The following EP400 variants were observed in gnomAD, a reference collection of about 807,000 sequenced individuals.
EP400 encodes the protein E1A-binding protein p400.
A neutral mutation model predicts 354.1 loss-of-function variants in EP400; 105 were observed. The ratio of observed to expected loss-of-function variants is 0.30; its 90% CI spans 0.25 to 0.35. The LOEUF (loss-of-function observed/expected upper bound fraction) is 0.35. Ranked by LOEUF, EP400 falls within the 10% of genes least tolerant of loss-of-function variation. The pLI is 1.00. For missense variants in EP400, 3,280 were observed against 4,121.0 expected, an observed-to-expected ratio of 0.80 and a Z score of 5.59; for synonymous variants, 1,646 against 1,716.9, an observed-to-expected ratio of 0.96 and a Z score of 1.02.
chr12:132,008,518 A>G (rs555782740), intron 15 of EP400, among the ~76,000 whole-genome samples: 1 of 152,260 alleles, frequency 6.6e-6, no homozygotes, highest in African/African-American at 2.4e-5. Context: ...TTGCCTTGCT[A>G]CTTTATTATT....
At chr12:132,044,601 T>G (rs1895021820) in intron 35 of EP400, 70 bp from the exon 36 acceptor site, 9 of 1,568,732 alleles carry the variant, frequency 5.7e-6, no homozygotes, top group Non-Finnish European at 8.8e-7. Context: ...AGTATGAAGG[T>G]ACATGATTTG....
In EP400 at chr12:132,027,555, C is replaced by T. The variant is rs1034715830; in HGVS notation, c.5109+24C>T. On this transcript the variant is annotated intron_variant, in intron 26 of 52. Coordinates refer to ENST00000389561, the MANE Select transcript of EP400 (RefSeq NM_015409.5). The surrounding 1 kb of genome is among the most constrained non-coding windows in gnomAD (Gnocchi z 4.9). ...AGGTAAGCACCTGAGCTTGAGACCC[C>T]GGTGCACGTGGACAGGTAGCTTTCC... 24 of 1,582,548 alleles carry T rather than the reference C, an allele frequency of 1.5e-5. No homozygotes were observed. Among genetic ancestry groups the T allele is most frequent in the Admixed American group, 8.8e-5 (5 of 57,096 alleles).
At chr12:131,973,591 CAAG>C (rs1352471801) in intron 2 of EP400, among the ~76,000 whole-genome samples, 1 of 152,030 alleles carries the variant, frequency 6.6e-6, no homozygotes, top group Non-Finnish European at 1.5e-5. Flanking sequence ...TACAGTGAGC[CAAG>C]ATTGTGCCGC....
Position 131,987,902 on chromosome 12 carries a change from T to A in EP400, c.2409+12T>A. On this transcript the variant is annotated intron_variant, in intron 7 of 52. Coordinates refer to ENST00000389561, the MANE Select transcript of EP400 (RefSeq NM_015409.5). The stretch of plus-strand genomic sequence containing the variant: ...CTGCTGCGAAGAAGGTGGGTTGGAA[T>A]GCGTGGAGCTGCTGTGCTGTGTGCG... 1 of 1,594,760 alleles carries A rather than the reference T, an allele frequency of 6.3e-7. No individual in the cohort carries two copies. Among genetic ancestry groups the A allele is most frequent in the Non-Finnish European group, 8.5e-7 (1 of 1,169,722 alleles).
rs544986144 is a variant in EP400, at chr12:132,073,423, C to T, written c.9022-3093C>T. Among the ~76,000 whole-genome samples, 390 of 144,402 alleles carry T rather than the reference C, an allele frequency of 2.7e-3. 1 individual carries two copies. Among genetic ancestry groups the T allele is most frequent in the Non-Finnish European group, 4.5e-3 (301 of 67,250 alleles). 94.7% of individuals were successfully genotyped at this position (144,402 alleles called of 152,430 possible). A position where few individuals can be genotyped will look rare whatever the true frequency, so the allele number is the denominator to read the frequency against. ...TAGCTCAGTTTATTCATCTCAAATGCTGCTGTTAGTGTGCGTTTTAATTCT... is the reference window on the plus strand; with the variant it reads ...TAGCTCAGTTTATTCATCTCAAATGTTGCTGTTAGTGTGCGTTTTAATTCT... On this transcript the variant is annotated intron_variant, in intron 51 of 52. Coordinates refer to ENST00000389561, the MANE Select transcript of EP400 (RefSeq NM_015409.5).
chr12:132,016,807 T>G (rs1893953385), intron 19 of EP400, among the ~76,000 whole-genome samples: 1 of 152,176 alleles, frequency 6.6e-6, no homozygotes, highest in Admixed American at 6.5e-5. Context: ...CTCCCTGGTG[T>G]TCCTGTTTTA....
intron 1 of EP400, among the ~76,000 whole-genome samples, chr12:131,957,843 A>G (rs1441615554): frequency 6.6e-6 from 1 of 152,116 alleles, no homozygotes; most frequent in Non-Finnish European, 1.5e-5. Context: ...TGATCCGCCT[A>G]TCTTGGCCTC....
Position 132,028,123 on chromosome 12 carries a change from G to T in EP400, c.5216G>T (p.Cys1739Phe). Residue 1739 changes from cysteine (C) to phenylalanine (F), a missense_variant, in exon 27 of 53, where the codon TGT (cysteine) becomes TTT (phenylalanine). By Grantham distance (205) the Cys-to-Phe change is radical. This residue lies in a region of EP400 where 459 missense variants were observed against 496.9 expected (regional missense o/e 0.92). Transcript: ENST00000389561. ...TATGGCAGAGACTTGCTAAGGATTT[G>T]TGCCCTGCCTAGCCATGGAAGGGTA... Reference protein sequence around the residue: ...PVYGRDLLRICALPSHGRVQW... With the variant: ...PVYGRDLLRIFALPSHGRVQW... 6.2e-7 allele frequency: 1 copy of T among 1,614,202 alleles called. No homozygotes were observed. Among genetic ancestry groups the T allele is most frequent in the African/African-American group, 1.3e-5 (1 of 75,050 alleles).
intron 11 of EP400, among the ~76,000 whole-genome samples, chr12:131,993,157 G>T (rs562386361): frequency 2.6e-4 from 39 of 152,292 alleles, no homozygotes; most frequent in African/African-American, 8.9e-4. Flanking sequence ...CTCCTGAGTA[G>T]CTGAGACTAC....
intron 3 of EP400, among the ~76,000 whole-genome samples, chr12:131,980,597 G>T (rs1238758303): frequency 6.6e-6 from 1 of 152,154 alleles, no homozygotes; most frequent in Non-Finnish European, 1.5e-5. Context: ...CCGGGCTGGA[G>T]TGCACTGGCA....
Position 131,979,800 on chromosome 12 carries a change from C to A in EP400, c.1435+7C>A. On this transcript the variant is annotated splice_region_variant and intron_variant, in intron 3 of 52. Coordinates refer to ENST00000389561, the MANE Select transcript of EP400 (RefSeq NM_015409.5). ...CCCTCCACAGGTATGGCAGGTACGT[C>A]GGCACGGCTAGCGTGGCCTCGGGAA... 6.3e-7 allele frequency: 1 copy of A among 1,598,172 alleles called. No homozygotes were observed. Among genetic ancestry groups the A allele is most frequent in the South Asian group, 1.1e-5 (1 of 88,678 alleles).
intron 24 of EP400, among the ~76,000 whole-genome samples, chr12:132,024,691 C>G (rs1894238664): frequency 6.6e-6 from 1 of 151,282 alleles, no homozygotes; most frequent in Non-Finnish European, 1.5e-5. Context: ...CTCCTTCCCC[C>G]ACCTTCCTCG....
intron 2 of EP400, 42 bp downstream of exon 2, chr12:131,961,996 A>C (rs752403550): frequency 1.9e-6 from 3 of 1,566,812 alleles, no homozygotes; most frequent in Non-Finnish European, 2.6e-6. Flanking sequence ...AATCTTCTAG[A>C]TGATCAGAGT....
intron 2 of EP400, among the ~76,000 whole-genome samples, chr12:131,978,866 A>T (rs1248158163): frequency 1.3e-5 from 2 of 152,018 alleles, no homozygotes; most frequent in Non-Finnish European, 2.9e-5. Context: ...TTATATCTCT[A>T]TATATCTCAC....
chr12:132,028,300 C>T lies in EP400; in HGVS notation c.5381+12C>T, dbSNP rs751128342. ...GATGTTATTGACAGGTACTGCAGACCTCGTGACCTTTTCGGTGCTCTCTGG... is the reference window on the plus strand; with the variant it reads ...GATGTTATTGACAGGTACTGCAGACTTCGTGACCTTTTCGGTGCTCTCTGG... On this transcript the variant is annotated intron_variant, in intron 27 of 52. Transcript: ENST00000389561. 1.2e-6 allele frequency: 2 copies of T among 1,606,324 alleles called. No individual in the cohort carries two copies. The highest frequency in any genetic ancestry group is 2.2e-5 in the East Asian group (1 of 44,636).
intron 5 of EP400, 113 bp from the exon 6 acceptor site, chr12:131,986,401 G>A (rs1054022971): frequency 6.3e-5 from 63 of 996,058 alleles, no homozygotes; most frequent in East Asian, 3.4e-4. Context: ...ATCGTGGAGC[G>A]GAAGGTGCTG....
intron 30 of EP400, among the ~76,000 whole-genome samples, chr12:132,037,013 G>GTT (rs1245733587): frequency 3.3e-5 from 5 of 152,128 alleles, no homozygotes; most frequent in Admixed American, 1.3e-4. Flanking sequence ...TGCTGTTAAA[G>GTT]TTGTTTAATG....
At chr12:132,006,400 C>A in intron 14 of EP400, 98 bp downstream of exon 14, 1 of 1,361,952 alleles carries the variant, frequency 7.3e-7, no homozygotes, top group South Asian at 1.4e-5. Context: ...GTGAAATGGT[C>A]TATCCCAACT....
intron 51 of EP400, among the ~76,000 whole-genome samples, chr12:132,073,328 A>G (rs1896121320): frequency 6.7e-6 from 1 of 149,598 alleles, no homozygotes. Context: ...CCATGTGCAC[A>G]CTTCTGTATC....
Sources: allele counts gnomAD v4.1 joint callset (sites outside exome capture counted in the v4.1 genomes callset), GRCh38; gene constraint gnomAD v4.1.1; regional missense constraint gnomAD v4.1.1; non-coding constraint Gnocchi (gnomAD v3.1); transcripts MANE v1.5; gene names NCBI Gene and HGNC (gene_info 2026-07-23, HGNC 2026-07-21).